Variants in CPLANE1 observed in about 807,000 individuals in gnomAD.
The protein encoded by CPLANE1 is ciliogenesis and planar polarity effector complex subunit 1.
CPLANE1 carries 263 observed loss-of-function variants against 362.5 expected under a neutral mutation model. That is an observed-to-expected ratio of 0.73 (90% CI 0.66 to 0.80). The LOEUF (loss-of-function observed/expected upper bound fraction) is 0.80. Ranked by LOEUF, CPLANE1 falls within the 30% of genes least tolerant of loss-of-function variation. The probability of loss-of-function intolerance (pLI) is 0.00; values close to 1 mark genes in which losing one functional copy is unlikely to be tolerated. For synonymous variants in CPLANE1, 1,212 were observed against 1,302.6 expected, an observed-to-expected ratio of 0.93 and a Z score of 1.50; for missense variants, 3,461 against 3,793.4, an observed-to-expected ratio of 0.91 and a Z score of 2.30.
chr5:37,099,332 G>A, the CPLANE1 span, among the ~76,000 whole-genome samples: 5 of 152,040 alleles, frequency 3.3e-5, no homozygotes, highest in East Asian at 5.8e-4. Flanking sequence ...CCCACACCCC[G>A]CCGCAATGTG....
chr5:37,092,907 C>T, the CPLANE1 span, among the ~76,000 whole-genome samples: 26 of 152,222 alleles, frequency 1.7e-4, no homozygotes, highest in African/African-American at 4.3e-4. Context: ...ATTTGTGACC[C>T]GGGTGCAGGG....
At chr5:37,077,939 G>GGAA in the CPLANE1 span, among the ~76,000 whole-genome samples, 1 of 151,992 alleles carries the variant, frequency 6.6e-6, no homozygotes, top group Non-Finnish European at 1.5e-5. Context: ...TGTAGAGATG[G>GGAA]GATCTCCCTT....
At position 37,224,735 on chromosome 5, in the gene CPLANE1, A is replaced by G; in HGVS notation, c.2297T>C (p.Leu766Pro). 1 of 1,544,612 alleles carries G rather than the reference A, an allele frequency of 6.5e-7. No individual in the cohort carries two copies. ...TTTGTACAGTATTCTCCAGAGAATA[A>G]GCAATCTGCACATAAAATCAGGTAA... ...NPVQQPGHRL[L>P]ILWRILYKKT... Residue 766 changes from leucine to proline, a missense_variant, in exon 13 of 53, where the codon CTT becomes CCT. Leu to Pro is a moderately conservative substitution (Grantham distance 98). This residue lies in a region of CPLANE1 where 3,380 missense variants were observed against 3,666.1 expected (regional missense o/e 0.92). Coordinates refer to ENST00000651892, the MANE Select transcript of CPLANE1 (RefSeq NM_001384732.1).
intron 33 of CPLANE1, 59 bp from the exon 34 acceptor site, chr5:37,169,620 T>C (rs1480469335): frequency 7.0e-7 from 1 of 1,420,670 alleles, no homozygotes; most frequent in African/African-American, 1.4e-5. Flanking sequence ...CCTTCCTTTG[T>C]AAATGGCATT....
chr5:37,128,551 T>A (rs1235969850), intron 46 of CPLANE1, among the ~76,000 whole-genome samples: 2 of 152,038 alleles, frequency 1.3e-5, no homozygotes, highest in Non-Finnish European at 2.9e-5. Context: ...AAATGACCAA[T>A]GCAATTCCTA....
chr5:37,139,555 T>G, intron 44 of CPLANE1, 185 bp from the exon 45 acceptor site: 1 of 1,097,700 alleles, frequency 9.1e-7, no homozygotes, highest in South Asian at 3.0e-5. Context: ...TAGTGAATAC[T>G]GTCTACATAT....
the CPLANE1 span, among the ~76,000 whole-genome samples, chr5:37,089,255 G>A: frequency 2.0e-5 from 3 of 152,158 alleles, no homozygotes; most frequent in African/African-American, 7.2e-5. Context: ...CAGAGCACAC[G>A]CCCCCTAACA....
chr5:37,127,961 C>T (rs920105110), intron 46 of CPLANE1, among the ~76,000 whole-genome samples: 2 of 151,926 alleles, frequency 1.3e-5, no homozygotes, highest in African/African-American at 2.4e-5. Context: ...ATCACTTAAG[C>T]CTGGGGAGGT....
chr5:37,187,350 T>C (rs544031774), intron 23 of CPLANE1, 64 bp downstream of exon 23: 3 of 1,313,960 alleles, frequency 2.3e-6, no homozygotes, highest in East Asian at 4.7e-5. Flanking sequence ...TAATTAAAAT[T>C]AAATAAAAAT....
In CPLANE1 at chr5:37,174,448, A is replaced by G. The variant is rs1004120685; in HGVS notation, c.5979-501T>C. The stretch of plus-strand genomic sequence containing the variant: ...TGTTTATCATCATTAAATGTGAAAC[A>G]ATAGTACTGTGAACATTTCATTTCC... On this transcript the variant is annotated intron_variant, in intron 31 of 52. Coordinates refer to ENST00000651892, the MANE Select transcript of CPLANE1 (RefSeq NM_001384732.1). Among the ~76,000 whole-genome samples, 5 of 152,262 alleles carry G rather than the reference A, an allele frequency of 3.3e-5. No homozygotes were observed. In the East Asian group the frequency reaches 9.6e-4, roughly 29 times the overall value.
In CPLANE1 at chr5:37,167,969, G is replaced by A. The variant is rs76414071; in HGVS notation, c.7234-756C>T. Among the ~76,000 whole-genome samples, 608 of 152,198 alleles carry A rather than the reference G, an allele frequency of 4.0e-3. 4 individuals are homozygous for A. Among genetic ancestry groups the A allele is most frequent in the Non-Finnish European group, 6.3e-3 (431 of 68,000 alleles). On this transcript the variant is annotated intron_variant, in intron 34 of 52. Coordinates refer to ENST00000651892, the MANE Select transcript of CPLANE1 (RefSeq NM_001384732.1). ...AAAACTTGGGGTTCTTCTTTGGCTC[G>A]TTATATGTTCAGAAGAAAAGGAAGC...
chr5:37,177,855 CTCTGACCTAA>C (rs1781617061), intron 29 of CPLANE1, among the ~76,000 whole-genome samples, 155 bp from the exon 30 acceptor site: 2 of 152,316 alleles, frequency 1.3e-5, no homozygotes, highest in South Asian at 4.1e-4. Context: ...CCCAGTCCTG[CTCTGACCTAA>C]TCTTTATACT....
At chr5:37,136,267 G>A (rs1207537152) in intron 46 of CPLANE1, among the ~76,000 whole-genome samples, 2 of 152,186 alleles carry the variant, frequency 1.3e-5, no homozygotes, top group Non-Finnish European at 2.9e-5. Context: ...GGGGCTATCA[G>A]CCTCATACAA....
rs1402806082 is a variant in CPLANE1 at position 37,212,344 on chromosome 5, C to CA, written c.2920+1214dup. 6 of 858,808 alleles carry CA rather than the reference C, an allele frequency of 7.0e-6. No homozygotes were observed. In the East Asian group the frequency reaches 1.5e-4, roughly 21 times the overall value. 53.2% of individuals were successfully genotyped at this position (858,808 alleles called of 1,614,324 possible). On this transcript the variant is annotated intron_variant, in intron 16 of 52. Transcript: ENST00000651892. ...TGTAGTGACAAAGTCGAAAGTTTAA[C>CA]ACGCTTTTCTCATGAAGAACCAGAT...
rs1561717823 is a variant in CPLANE1 at position 37,243,040 on chromosome 5, C to T, written c.650G>A (p.Trp217Ter). The T allele has an allele frequency of 1.3e-6, 2 of 1,545,364 alleles. No homozygotes were observed. Among genetic ancestry groups the T allele is most frequent in the East Asian group, 2.5e-5 (1 of 40,558 alleles). ...TACAGATGTAAATACATTCTCATGC[C>T]ACCGAATTGCTAGAAATGTTAACTT... ...CLKLTFLAIR[W>*]HENVFTSVRS... The change falls in exon 6 of 53, where the codon TGG becomes TAG. Residue 217 changes from tryptophan (W) to a stop codon, truncating the protein, a stop_gained. Transcript: ENST00000651892. LOFTEE classifies it high-confidence loss of function.
Position 37,240,126 on chromosome 5 carries a change from T to C in CPLANE1, c.678-257A>G, listed in dbSNP as rs551230209. Among the ~76,000 whole-genome samples the C allele has an allele frequency of 3.1e-3, 467 of 152,016 alleles. 2 individuals are homozygous for C. Among genetic ancestry groups the C allele is most frequent in the Non-Finnish European group, 4.6e-3 (315 of 67,962 alleles). ...CAGCACTTTAGGAGGCAGAGACGGGTGGATCACTTGAGGCCAGGAGTCTGA... is the reference window on the plus strand; with the variant it reads ...CAGCACTTTAGGAGGCAGAGACGGGCGGATCACTTGAGGCCAGGAGTCTGA... On this transcript the variant is annotated intron_variant, in intron 6 of 52. Transcript: ENST00000651892.
chr5:37,158,378 T>A (rs1382005169), intron 38 of CPLANE1, 33 bp from the exon 39 acceptor site: 6 of 1,586,760 alleles, frequency 3.8e-6, no homozygotes, highest in African/African-American at 2.7e-5. Context: ...TCAGGAACAT[T>A]CAAAAAAAGG....
At chr5:37,133,013 C>A (rs1037686539) in intron 46 of CPLANE1, among the ~76,000 whole-genome samples, 1 of 152,168 alleles carries the variant, frequency 6.6e-6, no homozygotes, top group Non-Finnish European at 1.5e-5. Flanking sequence ...CTCTCACAAC[C>A]TTTATAGGGA....
At chr5:37,194,129 G>C (rs546441779) in intron 21 of CPLANE1, among the ~76,000 whole-genome samples, 32 of 151,960 alleles carry the variant, frequency 2.1e-4, no homozygotes, top group Admixed American at 3.3e-4. Flanking sequence ...TTACCATGCT[G>C]GCCAGGCTGG....
Sources: allele counts gnomAD v4.1 joint callset (sites outside exome capture counted in the v4.1 genomes callset), GRCh38; gene constraint gnomAD v4.1.1; regional missense constraint gnomAD v4.1.1; transcripts MANE v1.5; gene names NCBI Gene and HGNC (gene_info 2026-07-23, HGNC 2026-07-21).